Variants in KAZN observed in about 807,000 individuals in gnomAD.
The protein encoded by KAZN is kazrin, periplakin interacting protein, also known as kazrin.
In KAZN, 40 loss-of-function variants were observed where a neutral mutation model predicts 87.4. The ratio of observed to expected loss-of-function variants is 0.46; its 90% CI spans 0.36 to 0.60. The LOEUF (loss-of-function observed/expected upper bound fraction) is 0.60, where lower values mean the gene tolerates loss of function less well. KAZN is among the 20% of genes least tolerant of loss of function. The pLI, the probability that KAZN is intolerant of heterozygous loss-of-function variation, is 0.00. For synonymous variants in KAZN, 466 were observed against 458.3 expected, an observed-to-expected ratio of 1.02 and a Z score of -0.22; for missense variants, 898 against 1,073.9, an observed-to-expected ratio of 0.84 and a Z score of 2.29.
intron 2 of KAZN, among the ~76,000 whole-genome samples, chr1:14,495,967 T>C (rs1470270841): frequency 5.3e-5 from 8 of 152,230 alleles, no homozygotes; most frequent in African/African-American, 1.9e-4. Context: ...CTTTCTTTCC[T>C]TTTTCTTTCT....
intron 1 of KAZN, among the ~76,000 whole-genome samples, chr1:14,166,129 A>G (rs957136653): frequency 2.0e-5 from 3 of 152,206 alleles, no homozygotes; most frequent in Non-Finnish European, 4.4e-5. Context: ...AGCCTGGCCA[A>G]CGTGGCAAAA....
At chr1:14,225,279 G>A (rs1647222298) in intron 2 of KAZN, among the ~76,000 whole-genome samples, 1 of 151,906 alleles carries the variant, frequency 6.6e-6, no homozygotes, top group Non-Finnish European at 1.5e-5. Context: ...GTCAAATCAG[G>A]ACCATAATCC....
In KAZN at chr1:15,022,605, C is replaced by G. The variant is rs573025059; in HGVS notation, c.419-12144C>G. On this transcript the variant is annotated intron_variant, in intron 2 of 14. Coordinates refer to ENST00000376030, the MANE Select transcript of KAZN (RefSeq NM_201628.3). ...CTCAGGTCAGCAGTCAGCACCCAGC[C>G]GAGCCCACAGACATGGCTGGACTTG... is the stretch of plus-strand genomic sequence containing the variant. 2.3e-4 allele frequency among the ~76,000 whole-genome samples: 35 copies of G among 152,276 alleles called. No individual in the cohort carries two copies. The South Asian group carries it at 7.1e-3, about 31-fold the overall frequency.
In KAZN at chr1:14,120,456, T is replaced by A. The variant is rs575433266; in HGVS notation, c.92-59979T>A. Among the ~76,000 whole-genome samples the A allele has an allele frequency of 2.0e-5, 3 of 152,206 alleles. No individual in the cohort carries two copies. The East Asian group carries it at 5.8e-4, about 29-fold the overall frequency. The stretch of plus-strand genomic sequence containing the variant: ...GGGGACTACAATTGAACATGAGATT[T>A]GGGTGGGGACACAGATCCAACCCAT... On this transcript the variant is annotated intron_variant, in intron 1 of 16. Coordinates refer to the KAZN transcript ENST00000636203.
intron 1 of KAZN, among the ~76,000 whole-genome samples, chr1:14,802,695 C>T (rs997089482): frequency 6.6e-6 from 1 of 152,222 alleles, no homozygotes; most frequent in Non-Finnish European, 1.5e-5. Flanking sequence ...TGTTCCAACA[C>T]CATGAGTTTA....
intron 13 of KAZN, among the ~76,000 whole-genome samples, chr1:15,105,312 C>T (rs1372078755): frequency 4.6e-5 from 7 of 152,196 alleles, no homozygotes; most frequent in Non-Finnish European, 1.0e-4. Flanking sequence ...TTCTGGGAAG[C>T]TTTTTGACTT....
intron 2 of KAZN, among the ~76,000 whole-genome samples, chr1:14,245,807 G>C (rs1390588900): frequency 6.6e-6 from 1 of 152,034 alleles, no homozygotes; most frequent in Non-Finnish European, 1.5e-5. Context: ...TCTTCCATTT[G>C]ACCCAGCAAT....
intron 1 of KAZN, among the ~76,000 whole-genome samples, chr1:14,908,114 G>A (rs932309016): frequency 2.0e-5 from 3 of 152,204 alleles, no homozygotes; most frequent in Non-Finnish European, 2.9e-5. Context: ...AAGCATGTAG[G>A]GTCAGCGGCA....
chr1:14,826,542 C>T (rs1050764822), intron 1 of KAZN, among the ~76,000 whole-genome samples: 3 of 152,308 alleles, frequency 2.0e-5, no homozygotes, highest in African/African-American at 7.2e-5. Context: ...ATGGCCCGTT[C>T]CCCATGGGTG....
At chr1:13,932,195 A>G (rs747042740) in intron 1 of KAZN, among the ~76,000 whole-genome samples, 6 of 151,806 alleles carry the variant, frequency 4.0e-5, no homozygotes, top group South Asian at 2.1e-4. Flanking sequence ...ACAAGAAGGA[A>G]TAAGTTATTA....
At chr1:14,645,298 C>T (rs893394115) in intron 1 of KAZN, among the ~76,000 whole-genome samples, 3 of 151,972 alleles carry the variant, frequency 2.0e-5, no homozygotes, top group Non-Finnish European at 4.4e-5. Flanking sequence ...TTTTTTGGTT[C>T]CATATGAATT....
chr1:14,997,579 C>G (rs950155365), intron 2 of KAZN, among the ~76,000 whole-genome samples: 1 of 152,112 alleles, frequency 6.6e-6, no homozygotes, highest in African/African-American at 2.4e-5. Flanking sequence ...TATTGGCTGT[C>G]GGCTCCAGGA....
intron 2 of KAZN, among the ~76,000 whole-genome samples, chr1:14,580,154 T>C (rs1675451687): frequency 6.6e-6 from 1 of 152,172 alleles, no homozygotes; most frequent in Admixed American, 6.5e-5. Flanking sequence ...TCAGCTTAGG[T>C]TTCACCATTG....
At chr1:14,489,074 C>G (rs1280334600) in intron 2 of KAZN, among the ~76,000 whole-genome samples, 2 of 152,170 alleles carry the variant, frequency 1.3e-5, no homozygotes, top group Admixed American at 6.5e-5. Flanking sequence ...TTCTGTCCCA[C>G]ACCTTGGGAG....
intron 2 of KAZN, among the ~76,000 whole-genome samples, chr1:14,437,734 C>T (rs115492975): frequency 0.027 from 4,080 of 152,252 alleles, 79 homozygotes; most frequent in South Asian, 0.045. Flanking sequence ...ATGCTGAGAG[C>T]CGCGTGCAGT....
chr1:14,175,304 C>T (rs1016360620), intron 1 of KAZN, among the ~76,000 whole-genome samples: 3 of 152,266 alleles, frequency 2.0e-5, no homozygotes, highest in South Asian at 4.1e-4. Flanking sequence ...AGGGTTTCAC[C>T]GTGTTAGCCA....
chr1:14,974,298 G>A (rs1665387765), intron 2 of KAZN, among the ~76,000 whole-genome samples: 1 of 152,214 alleles, frequency 6.6e-6, no homozygotes, highest in African/African-American at 2.4e-5. Context: ...TGTGGCATGG[G>A]AGATGCATTT....
At chr1:14,736,130 A>T (rs2871738) in intron 1 of KAZN, among the ~76,000 whole-genome samples, 54,414 of 151,836 alleles carry the variant, frequency 0.36, 10,330 homozygotes, top group Middle Eastern at 0.5. Context: ...AGAGAAGAAA[A>T]GGAGTGTGTT....
chr1:14,668,520 G>A (rs1373901423), intron 1 of KAZN, among the ~76,000 whole-genome samples: 3 of 152,122 alleles, frequency 2.0e-5, no homozygotes, highest in Non-Finnish European at 2.9e-5. Context: ...GGTCGATTTT[G>A]CCCCTCTCCC....
Sources: gnomAD v4.1 joint callset for allele counts (sites outside exome capture counted in the v4.1 genomes callset) on GRCh38, gnomAD v4.1.1 for gene constraint, MANE v1.5 for transcripts, NCBI Gene and HGNC (gene_info 2026-07-23, HGNC 2026-07-21) for gene names.